Variants in ZNF141 observed in about 807,000 individuals in gnomAD.
The protein encoded by ZNF141 is zinc finger protein 141 (clone pHZ-44).
A neutral mutation model predicts 11.3 loss-of-function variants in ZNF141; 7 were observed. The ratio of observed to expected loss-of-function variants is 0.62; its 90% CI spans 0.35 to 1.16. The LOEUF is 1.16. ZNF141 is among the 50% of genes most tolerant of loss of function. ZNF141 has a pLI of 0.02. For missense variants in ZNF141, 535 were observed against 554.0 expected, an observed-to-expected ratio of 0.97 and a Z score of 0.34; for synonymous variants, 183 against 190.7, an observed-to-expected ratio of 0.96 and a Z score of 0.33.
chr4:338,119 G>A (rs1720878815), intron 1 of ZNF141, 133 bp downstream of exon 1: 3 of 1,230,340 alleles, frequency 2.4e-6, no homozygotes, highest in Non-Finnish European at 3.4e-6. Context: ...GTACCCTCCG[G>A]TGAGGGACCT....
intron 3 of ZNF141, among the ~76,000 whole-genome samples, chr4:371,115 C>A (rs1712034390): frequency 7.1e-6 from 1 of 140,158 alleles, no homozygotes; most frequent in Non-Finnish European, 1.6e-5. Flanking sequence ...TTAATGTTTT[C>A]ATTTATATAT....
intron 3 of ZNF141, among the ~76,000 whole-genome samples, chr4:363,524 A>G (rs1553852514): frequency 6.6e-6 from 1 of 152,122 alleles, no homozygotes; most frequent in African/African-American, 2.4e-5. Context: ...TGGGAGGCCA[A>G]GGCGGGCAGA....
chr4:383,971 A>G lies in ZNF141; in HGVS notation c.*10109A>G, dbSNP rs1164948724. 3 of 152,220 alleles carry G rather than the reference A, an allele frequency of 2.0e-5. No individual in the cohort carries two copies. Among genetic ancestry groups the G allele is most frequent in the African/African-American group, 7.2e-5 (3 of 41,424 alleles). 9.4% of individuals were successfully genotyped at this position (152,220 alleles called of 1,614,324 possible). On this transcript the variant is annotated 3_prime_UTR_variant, in exon 4 of 4. Transcript: ENST00000240499. ...ACTTTAATAAAATCTTGCTTTTGCTATTCCCTTCCTGTTTTTCATTCCTTT... is the reference window on the plus strand; with the variant it reads ...ACTTTAATAAAATCTTGCTTTTGCTGTTCCCTTCCTGTTTTTCATTCCTTT...
intron 1 of ZNF141, among the ~76,000 whole-genome samples, chr4:341,072 C>CT (rs34755542): frequency 0.012 from 1,672 of 142,870 alleles, 13 homozygotes; most frequent in Middle Eastern, 0.028. Flanking sequence ...AAACATTTTT[C>CT]TTTTTTTTTT....
chr4:347,440 C>A (rs1157226220), intron 3 of ZNF141, among the ~76,000 whole-genome samples: 1 of 149,654 alleles, frequency 6.7e-6, no homozygotes, highest in African/African-American at 2.5e-5. Context: ...CCTGGGTTCA[C>A]GCCATTCTCC....
At position 378,606 on chromosome 4, in the gene ZNF141, A is replaced by G. The variant is rs1376063304; in HGVS notation, c.*4744A>G. On this transcript the variant is annotated 3_prime_UTR_variant, in exon 4 of 4. Transcript: ENST00000240499. Reference sequence around the variant, plus strand: ...TTTGAGTGTGAATGTTAAATGGTGGAAAAACAATAGAATGATCTCTGTAGA... The same window carrying G: ...TTTGAGTGTGAATGTTAAATGGTGGGAAAACAATAGAATGATCTCTGTAGA... 6.6e-6 allele frequency among the ~76,000 whole-genome samples: 1 copy of G among 152,038 alleles called. No homozygotes were observed. Among genetic ancestry groups the G allele is most frequent in the African/African-American group, 2.4e-5 (1 of 41,372 alleles).
At chr4:347,357 TGAGACTGAG>T (rs1721382902) in intron 3 of ZNF141, among the ~76,000 whole-genome samples, 1 of 131,232 alleles carries the variant, frequency 7.6e-6, no homozygotes. Context: ...TTTTTTTTTT[TGAGACTGAG>T]TCTCTCTCTG....
intron 3 of ZNF141, among the ~76,000 whole-genome samples, chr4:367,811 T>C (rs950484636): frequency 5.3e-5 from 8 of 152,188 alleles, no homozygotes; most frequent in Non-Finnish European, 1.0e-4. Context: ...GCCAAAACTT[T>C]ACAATCTTAA....
chr4:342,928 T>C, intron 1 of ZNF141: 3 of 1,559,686 alleles, frequency 1.9e-6, no homozygotes, highest in Non-Finnish European at 2.7e-6. Flanking sequence ...AGTGTCAGGA[T>C]CTACTTCAAT....
chr4:368,895 T>C (rs553703047), intron 3 of ZNF141, among the ~76,000 whole-genome samples: 1 of 152,346 alleles, frequency 6.6e-6, no homozygotes, highest in African/African-American at 2.4e-5. Context: ...CTGTTTCTTT[T>C]TCTGGAAGAA....
In ZNF141 at chr4:372,573, C is replaced by T. The variant is rs1267478083; in HGVS notation, c.227-91C>T. The T allele has an allele frequency of 5.2e-6, 6 of 1,163,382 alleles. No homozygotes were observed. The African/African-American group carries it at 6.3e-5, about 12-fold the overall frequency. The allele number at this position is 1,163,382 out of a possible 1,614,324, so 72.1% of individuals were successfully genotyped here. A position where few individuals can be genotyped will look rare whatever the true frequency, so the allele number is the denominator to read the frequency against. ...TGTGGGATTTTGTTATGCCATCTTA[C>T]TAATGTATTTTGAATAATTTCATAA... On this transcript the variant is annotated intron_variant, in intron 3 of 3. Coordinates refer to ENST00000240499, the MANE Select transcript of ZNF141 (RefSeq NM_003441.4).
rs1712649899 is a variant in ZNF141, at chr4:382,073, G to C, written c.*8211G>C. On this transcript the variant is annotated 3_prime_UTR_variant, in exon 4 of 4. Transcript: ENST00000240499. ...CCATTCTCCTGCCTCAGCCTCCCAAGTAGCTGGGACTACAGGCACCTGCTA... is the reference window on the plus strand; with the variant it reads ...CCATTCTCCTGCCTCAGCCTCCCAACTAGCTGGGACTACAGGCACCTGCTA... Among the ~76,000 whole-genome samples the C allele has an allele frequency of 6.6e-6, 1 of 150,814 alleles. No individual in the cohort carries two copies.
chr4:344,196 GA>G, intron 2 of ZNF141, 138 bp from the exon 3 acceptor site: 1 of 921,194 alleles, frequency 1.1e-6, no homozygotes, highest in South Asian at 1.7e-5. Flanking sequence ...ATATTCTAAA[GA>G]TTCTGTCAGG....
intron 3 of ZNF141, among the ~76,000 whole-genome samples, chr4:364,387 C>T (rs1191636095): frequency 2.6e-5 from 4 of 152,126 alleles, no homozygotes; most frequent in Admixed American, 2.6e-4. Flanking sequence ...TTGGTCTATT[C>T]AGAGATTCTG....
chr4:367,160 T>A (rs937701016), intron 3 of ZNF141, among the ~76,000 whole-genome samples: 4 of 152,170 alleles, frequency 2.6e-5, no homozygotes, highest in African/African-American at 9.7e-5. Flanking sequence ...AGGACAAGTA[T>A]GTTTTTATTT....
At chr4:347,425 C>T (rs534161794) in intron 3 of ZNF141, among the ~76,000 whole-genome samples, 27 of 149,072 alleles carry the variant, frequency 1.8e-4, no homozygotes, top group African/African-American at 5.7e-4. Context: ...CTGCAAGCTC[C>T]GCCTCCTGGG....
chr4:353,777 T>C (rs1553850854), intron 3 of ZNF141, among the ~76,000 whole-genome samples: 1 of 152,122 alleles, frequency 6.6e-6, no homozygotes, highest in African/African-American at 2.4e-5. Context: ...TTTTACTTCT[T>C]TTGCACACAA....
At chr4:352,818 C>A (rs1721665072) in intron 3 of ZNF141, among the ~76,000 whole-genome samples, 2 of 151,966 alleles carry the variant, frequency 1.3e-5, no homozygotes, top group Non-Finnish European at 2.9e-5. Flanking sequence ...TTGCTAAGTT[C>A]TGTGAGTAGT....
chr4:344,532 A>C, intron 3 of ZNF141, 102 bp downstream of exon 3: 3 of 928,818 alleles, frequency 3.2e-6, no homozygotes, highest in Non-Finnish European at 4.8e-6. Flanking sequence ...GCAGTGGCTC[A>C]TGCCTGTAAT....
Sources: gnomAD v4.1 joint callset for allele counts (sites outside exome capture counted in the v4.1 genomes callset) on GRCh38, gnomAD v4.1.1 for gene constraint, MANE v1.5 for transcripts, NCBI Gene and HGNC (gene_info 2026-07-23, HGNC 2026-07-21) for gene names.